The following MFSD11 variants were observed in gnomAD, a reference collection of about 807,000 sequenced individuals.
MFSD11 encodes the protein UNC93-like protein MFSD11.
In MFSD11, 36 loss-of-function variants were observed where a neutral mutation model predicts 53.5. The ratio of observed to expected loss-of-function variants is 0.67; its 90% CI spans 0.52 to 0.89. The LOEUF is 0.89. MFSD11 is among the 40% of genes least tolerant of loss of function. The pLI, the probability that MFSD11 is intolerant of heterozygous loss-of-function variation, is 0.00. For synonymous variants in MFSD11, 186 were observed against 184.9 expected (o/e 1.01, Z -0.05); for missense variants, 530 against 543.9 (o/e 0.97, Z 0.25).
intron 2 of MFSD11, among the ~76,000 whole-genome samples, chr17:76,740,482 T>C (rs1221684704): frequency 6.6e-6 from 1 of 152,214 alleles, no homozygotes; most frequent in Non-Finnish European, 1.5e-5. Flanking sequence ...AGTTGTAGGC[T>C]AAGTTTGTAG....
chr17:76,749,164 C>A (rs1411498597), intron 7 of MFSD11, among the ~76,000 whole-genome samples: 1 of 152,060 alleles, frequency 6.6e-6, no homozygotes, highest in Non-Finnish European at 1.5e-5. Context: ...TCATTGAAAC[C>A]AATTTTAGAA....
chr17:76,792,880 T>G, the MFSD11 span, among the ~76,000 whole-genome samples: 1 of 151,358 alleles, frequency 6.6e-6, no homozygotes, highest in African/African-American at 2.5e-5. Context: ...AGAGAGAAAT[T>G]TTAAAGCTGG....
At chr17:76,789,714 C>T in the MFSD11 span, among the ~76,000 whole-genome samples, 4,030 of 150,034 alleles carry the variant, frequency 0.027, 320 homozygotes, top group African/African-American at 0.093. Context: ...TGCCTAACTG[C>T]CTACTCTAAC....
chr17:76,743,274 T>C, intron 5 of MFSD11, 124 bp from the exon 6 acceptor site: 2 of 632,080 alleles, frequency 3.2e-6, no homozygotes, highest in Non-Finnish European at 5.3e-6. Flanking sequence ...GACAGGTAGA[T>C]ACTTTAAAAA....
chr17:76,786,523 TGC>T, the MFSD11 span, among the ~76,000 whole-genome samples: 36 of 152,272 alleles, frequency 2.4e-4, no homozygotes, highest in Non-Finnish European at 3.5e-4. Flanking sequence ...GCAGTCAGAA[TGC>T]GCAGCTGGGT....
rs567649684 is a variant in MFSD11, at chr17:76,775,070, G to T, written c.948G>T (p.Leu316=). ...GRNPVVLLGI[L]VHFIAFYLIF... is the part of the protein sequence containing the mutation. ...ATCCAGTTGTGCTGTTGGGCATCCT[G>T]GTGCACTTCATAGCTTTTTATCTAA... is the stretch of plus-strand genomic sequence containing the variant. Residue 316 remains leucine, a synonymous_variant, in exon 11 of 13, where the codon CTG becomes CTT. Transcript: ENST00000685175. The T allele has an allele frequency of 1.2e-6, 2 of 1,614,032 alleles. No individual in the cohort carries two copies. The highest frequency in any genetic ancestry group is 2.7e-5 in the African/African-American group (2 of 75,030).
At chr17:76,783,321 G>T (rs2082218046), downstream of MFSD11, among the ~76,000 whole-genome samples, 1 of 151,952 alleles carries the variant, frequency 6.6e-6, no homozygotes, top group African/African-American at 2.4e-5. Flanking sequence ...CTCTTTTATT[G>T]CAAGTTTCAT....
rs766850940 is a variant in MFSD11 at position 76,738,310 on chromosome 17, G to C, written c.-43G>C. The C allele has an allele frequency of 1.2e-5, 16 of 1,369,036 alleles. No individual in the cohort carries two copies. Among genetic ancestry groups the C allele is most frequent in the Non-Finnish European group, 1.7e-5 (16 of 960,976 alleles). The allele number at this position is 1,369,036 out of a possible 1,614,324, so 84.8% of individuals were successfully genotyped here. On this transcript the variant is annotated 5_prime_UTR_variant, in exon 1 of 13. Transcript: ENST00000685175. Reference sequence around the variant, plus strand: ...TGTCAGTGGCTTCGCCCCGAGGAGAGCTGACTGCCCTGGGCTGCTGCCTCC... The same window carrying C: ...TGTCAGTGGCTTCGCCCCGAGGAGACCTGACTGCCCTGGGCTGCTGCCTCC...
At chr17:76,794,592 A>G in the MFSD11 span, among the ~76,000 whole-genome samples, 143 of 143,592 alleles carry the variant, frequency 1.0e-3, 1 homozygote, top group Non-Finnish European at 1.6e-3. Context: ...CAGTGAGCCA[A>G]GATCATGCCA....
chr17:76,777,044 G>A (rs1175698135), intron 12 of MFSD11, among the ~76,000 whole-genome samples: 1 of 152,030 alleles, frequency 6.6e-6, no homozygotes, highest in Non-Finnish European at 1.5e-5. Context: ...AAGGTGGGCG[G>A]ATCACGAGGT....
At chr17:76,767,649 T>C (rs186039464) in intron 9 of MFSD11, among the ~76,000 whole-genome samples, 198 bp downstream of exon 9, 50 of 152,336 alleles carry the variant, frequency 3.3e-4, no homozygotes, top group African/African-American at 1.0e-3. Context: ...ATAGGCTGAA[T>C]ATCTCTCTTT....
intron 8 of MFSD11, among the ~76,000 whole-genome samples, chr17:76,758,540 G>A (rs1046307797): frequency 2.9e-5 from 4 of 137,576 alleles, no homozygotes; most frequent in South Asian, 2.2e-4. Context: ...CAGTGATGGC[G>A]CCACTGCACT....
At chr17:76,753,687 C>CAAA (rs11393515) in intron 7 of MFSD11, among the ~76,000 whole-genome samples, 16 of 127,114 alleles carry the variant, frequency 1.3e-4, no homozygotes, top group African/African-American at 3.6e-4. Context: ...GACCCTGTCT[C>CAAA]AAAAAAAAAA....
the MFSD11 span, among the ~76,000 whole-genome samples, chr17:76,794,043 C>A: frequency 2.6e-5 from 4 of 151,376 alleles, no homozygotes; most frequent in Non-Finnish European, 5.9e-5. Flanking sequence ...CTTGCTGACA[C>A]CTTACTTTTA....
downstream of MFSD11, among the ~76,000 whole-genome samples, chr17:76,780,882 T>C (rs2082149359): frequency 6.6e-6 from 1 of 152,246 alleles, no homozygotes; most frequent in South Asian, 2.1e-4. Context: ...TAGTTGATCC[T>C]ATATAAATAA....
chr17:76,767,194 C>T, intron 8 of MFSD11, 192 bp from the exon 9 acceptor site: 1 of 501,868 alleles, frequency 2.0e-6, no homozygotes, highest in Non-Finnish European at 3.5e-6. Flanking sequence ...TGTATTTAAG[C>T]ACTTGAAATA....
At chr17:76,789,674 A>G in the MFSD11 span, among the ~76,000 whole-genome samples, 1 of 149,808 alleles carries the variant, frequency 6.7e-6, no homozygotes, top group African/African-American at 2.5e-5. Flanking sequence ...TGACGACCTG[A>G]TAGGGGCCCT....
the MFSD11 span, among the ~76,000 whole-genome samples, chr17:76,795,302 C>G: frequency 0.2 from 25,716 of 126,286 alleles, 2,532 homozygotes; most frequent in Admixed American, 0.33. Flanking sequence ...GCCAACATGG[C>G]GAAAACCTGT....
rs1229585849 is a variant in MFSD11 at position 76,745,804 on chromosome 17, A to ATTAT, written c.641+1342_641+1345dup. On this transcript the variant is annotated intron_variant, in intron 7 of 12. Coordinates refer to ENST00000685175, the MANE Select transcript of MFSD11 (RefSeq NM_001242532.5). The stretch of plus-strand genomic sequence containing the variant: ...GGAAGACATGCATGTCTCTCACTTT[A>ATTAT]TTATTTACTTATTTATTTATTTATT... Among the ~76,000 whole-genome samples, 367 of 119,244 alleles carry ATTAT rather than the reference A, an allele frequency of 3.1e-3. 1 individual carries two copies. The highest frequency in any genetic ancestry group is 0.012 in the East Asian group (51 of 4,182). The allele number at this position is 119,244 out of a possible 152,430, so 78.2% of individuals were successfully genotyped here. A position where few individuals can be genotyped will look rare whatever the true frequency, so the allele number is the denominator to read the frequency against.
Sources: gnomAD v4.1 joint callset for allele counts (sites outside exome capture counted in the v4.1 genomes callset) on GRCh38, gnomAD v4.1.1 for gene constraint, MANE v1.5 for transcripts, NCBI Gene and HGNC (gene_info 2026-07-23, HGNC 2026-07-21) for gene names.